The following TRIM44 variants were observed in gnomAD, a reference collection of about 807,000 sequenced individuals.
The protein encoded by TRIM44 is tripartite motif containing 44.
Under a neutral mutation model 37.4 loss-of-function variants are expected in TRIM44, and 13 were observed. That is an observed-to-expected ratio of 0.35 (90% CI 0.23 to 0.55). TRIM44 has a LOEUF of 0.55. Ranked by LOEUF, TRIM44 falls within the 20% of genes least tolerant of loss-of-function variation. The pLI is 0.89. For missense variants in TRIM44, 426 were observed against 437.2 expected (o/e 0.97, Z 0.23); for synonymous variants, 175 against 157.2 (o/e 1.11, Z -0.85).
rs57127722 is a variant in TRIM44, at chr11:35,792,072, T to TACACACACACAC, written c.1008-14257_1008-14246dup. On this transcript the variant is annotated intron_variant, in intron 4 of 4. Coordinates refer to ENST00000299413, the MANE Select transcript of TRIM44 (RefSeq NM_017583.6). ...CCATCCCTTCCTGAGGAGTTGCCCC[T>TACACACACACAC]ACACACACACACACACACACACACA... Among the ~76,000 whole-genome samples, 324 of 136,816 alleles carry TACACACACACAC rather than the reference T, an allele frequency of 2.4e-3. 1 individual carries two copies. Among genetic ancestry groups the TACACACACACAC allele is most frequent in the African/African-American group, 8.5e-3 (296 of 34,818 alleles). The allele number at this position is 136,816 out of a possible 152,430, so 89.8% of individuals were successfully genotyped here.
rs1853522779 is a variant in TRIM44, at chr11:35,811,053, A to G, written c.*4668A>G. On this transcript the variant is annotated 3_prime_UTR_variant, in exon 5 of 5. Coordinates refer to ENST00000299413, the MANE Select transcript of TRIM44 (RefSeq NM_017583.6). ...TCAATAAACTATTACTGGAAATGCC[A>G]TTTGTCTCTCAGAGTTGTGCACAAA... is the stretch of plus-strand genomic sequence containing the variant. 6.6e-6 allele frequency: 1 copy of G among 152,124 alleles called. No individual in the cohort carries two copies. Among genetic ancestry groups the G allele is most frequent in the African/African-American group, 2.4e-5 (1 of 41,426 alleles). 9.4% of individuals were successfully genotyped at this position (152,124 alleles called of 1,614,324 possible).
chr11:35,751,328 T>C (rs1214032815), intron 4 of TRIM44, among the ~76,000 whole-genome samples: 2 of 152,232 alleles, frequency 1.3e-5, no homozygotes, highest in Non-Finnish European at 2.9e-5. Context: ...CCTTAAGTAC[T>C]GCATCTAACG....
intron 2 of TRIM44, among the ~76,000 whole-genome samples, chr11:35,725,228 A>T (rs1335190028): frequency 6.6e-6 from 1 of 152,178 alleles, no homozygotes; most frequent in Non-Finnish European, 1.5e-5. Flanking sequence ...TTATATAAAA[A>T]CTACTTAATT....
In TRIM44 at chr11:35,811,340, C is replaced by T. The variant is rs1014202050; in HGVS notation, c.*4955C>T. ...AACTTAGATTATAACCTAAAGAATA[C>T]TTGGTGCCAAATTATGTTTTCAAAT... is the stretch of plus-strand genomic sequence containing the variant. On this transcript the variant is annotated 3_prime_UTR_variant, in exon 5 of 5. Transcript: ENST00000299413. The T allele has an allele frequency of 6.6e-6, 1 of 152,114 alleles. No homozygotes were observed. The highest frequency in any genetic ancestry group is 2.4e-5 in the African/African-American group (1 of 41,418). 9.4% of individuals were successfully genotyped at this position (152,114 alleles called of 1,614,324 possible).
chr11:35,710,570 TG>T (rs1476276922), intron 2 of TRIM44, among the ~76,000 whole-genome samples: 1 of 152,192 alleles, frequency 6.6e-6, no homozygotes, highest in Non-Finnish European at 1.5e-5. Context: ...AGGCTAGTTA[TG>T]GGGAGATGCC....
chr11:35,716,953 A>G (rs1489923363), intron 2 of TRIM44, among the ~76,000 whole-genome samples: 1 of 152,222 alleles, frequency 6.6e-6, no homozygotes, highest in Non-Finnish European at 1.5e-5. Context: ...TAATTGCAGT[A>G]TACACATAAA....
intron 2 of TRIM44, among the ~76,000 whole-genome samples, chr11:35,707,203 C>T (rs1030042799): frequency 6.6e-6 from 1 of 152,166 alleles, no homozygotes; most frequent in Non-Finnish European, 1.5e-5. Context: ...ATCCAACTTA[C>T]AAGGGACGTG....
chr11:35,767,250 G>C (rs1263850996), intron 4 of TRIM44, among the ~76,000 whole-genome samples: 1 of 152,140 alleles, frequency 6.6e-6, no homozygotes, highest in African/African-American at 2.4e-5. Flanking sequence ...TGTTATCGGG[G>C]TGCTTCTTTT....
intron 2 of TRIM44, among the ~76,000 whole-genome samples, chr11:35,718,159 A>T (rs1317942413): frequency 6.6e-6 from 1 of 152,172 alleles, no homozygotes; most frequent in Non-Finnish European, 1.5e-5. Flanking sequence ...TATTCTAGAA[A>T]GGGGGAGTCA....
intron 2 of TRIM44, among the ~76,000 whole-genome samples, chr11:35,696,318 A>G (rs1851697792): frequency 6.6e-6 from 1 of 150,780 alleles, no homozygotes; most frequent in Non-Finnish European, 1.5e-5. Context: ...ATTTTTTTGT[A>G]TTTTTAGTAC....
intron 2 of TRIM44, among the ~76,000 whole-genome samples, chr11:35,721,018 C>G (rs1852100673): frequency 6.6e-6 from 1 of 151,942 alleles, no homozygotes; most frequent in Admixed American, 6.6e-5. Context: ...ATTCTCGTGC[C>G]TCAGCCTCCT....
chr11:35,767,812 A>G (rs947843814), intron 4 of TRIM44, among the ~76,000 whole-genome samples: 1 of 152,200 alleles, frequency 6.6e-6, no homozygotes, highest in South Asian at 2.1e-4. Context: ...TGCAATGCAG[A>G]TAATAGTGCA....
chr11:35,784,254 G>A (rs1448672346), intron 4 of TRIM44, among the ~76,000 whole-genome samples: 10 of 152,156 alleles, frequency 6.6e-5, no homozygotes, highest in African/African-American at 1.4e-4. Context: ...GGGGATTCTC[G>A]AAGTGATATA....
intron 2 of TRIM44, among the ~76,000 whole-genome samples, chr11:35,709,899 G>C (rs1851944924): frequency 6.6e-6 from 1 of 152,178 alleles, no homozygotes; most frequent in Non-Finnish European, 1.5e-5. Context: ...GCAGCCCCCA[G>C]AATCACAGCA....
At chr11:35,775,979 C>T (rs1346328516) in intron 4 of TRIM44, among the ~76,000 whole-genome samples, 1 of 152,172 alleles carries the variant, frequency 6.6e-6, no homozygotes, top group Non-Finnish European at 1.5e-5. Flanking sequence ...ATGATGCTGG[C>T]CTCATAAAAT....
At chr11:35,791,235 C>G (rs1020613421) in intron 4 of TRIM44, among the ~76,000 whole-genome samples, 3 of 152,058 alleles carry the variant, frequency 2.0e-5, no homozygotes, top group African/African-American at 2.4e-5. Context: ...ACGATGTAAT[C>G]ACATTTGAGC....
intron 1 of TRIM44, among the ~76,000 whole-genome samples, chr11:35,669,456 CTTTA>C (rs35954725): frequency 0.027 from 4,022 of 148,362 alleles, 95 homozygotes; most frequent in African/African-American, 0.056. Context: ...AAAGGATCCC[CTTTA>C]TTTATTTATT....
In TRIM44 at chr11:35,740,261, ACTC is replaced by A. The variant is rs1276499719; in HGVS notation, c.1007+4819_1007+4821del. 3.3e-5 allele frequency among the ~76,000 whole-genome samples: 5 copies of A among 150,250 alleles called. No homozygotes were observed. The South Asian group carries it at 6.3e-4, about 19-fold the overall frequency. Reference sequence around the variant, plus strand: ...TCCCTCACAGGTTGGCTCCTTCTCTACTCCTGCTGGAGCCTGCTGAGAAGTAAT... The same window carrying A: ...TCCCTCACAGGTTGGCTCCTTCTCTACTGCTGGAGCCTGCTGAGAAGTAAT... On this transcript the variant is annotated intron_variant, in intron 4 of 4. Coordinates refer to ENST00000299413, the MANE Select transcript of TRIM44 (RefSeq NM_017583.6).
chr11:35,758,659 A>G (rs943922859), intron 4 of TRIM44, among the ~76,000 whole-genome samples: 7 of 152,090 alleles, frequency 4.6e-5, no homozygotes, highest in African/African-American at 1.4e-4. Flanking sequence ...TTCCATGTTT[A>G]GTGCTTCCTT....
Sources: allele counts gnomAD v4.1 joint callset (sites outside exome capture counted in the v4.1 genomes callset), GRCh38; gene constraint gnomAD v4.1.1; transcripts MANE v1.5; gene names NCBI Gene and HGNC (gene_info 2026-07-23, HGNC 2026-07-21).